Variants in SLC7A11 observed in about 807,000 individuals in gnomAD.
The protein encoded by SLC7A11 is solute carrier family 7 member 11, also known as cystine/glutamate transporter.
Under a neutral mutation model 54.5 loss-of-function variants are expected in SLC7A11, and 35 were observed. The ratio of observed to expected loss-of-function variants is 0.64; its 90% CI spans 0.49 to 0.85. The LOEUF is 0.85. Among genes scored for constraint, SLC7A11 ranks in the 40% least tolerant of loss-of-function variants. The probability of loss-of-function intolerance (pLI) is 0.00; values close to 1 mark genes in which losing one functional copy is unlikely to be tolerated. For missense variants in SLC7A11, 583 were observed against 618.1 expected (o/e 0.94, Z 0.60); for synonymous variants, 230 against 225.2 (o/e 1.02, Z -0.19).
intron 4 of SLC7A11, among the ~76,000 whole-genome samples, chr4:138,221,720 C>A (rs1737818174): frequency 6.6e-6 from 1 of 152,150 alleles, no homozygotes; most frequent in Non-Finnish European, 1.5e-5. Context: ...CAACCAAACC[C>A]TTCCTCATAT....
Position 138,171,964 on chromosome 4 carries a change from TATC to T in SLC7A11, c.1495_1497del (p.Asp499del). On this transcript the variant is annotated inframe_deletion, in exon 12 of 12. Transcript: ENST00000280612. ...ATCTCAAGTCCATTAGTTCATAACT[TATC>T]TTCTTCTGGTACAACTTCCAGTATT... 1.3e-6 allele frequency: 2 copies of T among 1,596,348 alleles called. No individual in the cohort carries two copies. The highest frequency in any genetic ancestry group is 1.7e-6 in the Non-Finnish European group (2 of 1,174,298).
intron 6 of SLC7A11, among the ~76,000 whole-genome samples, chr4:138,193,155 A>G (rs1737052578): frequency 1.3e-5 from 2 of 152,158 alleles, no homozygotes; most frequent in Admixed American, 1.3e-4. Flanking sequence ...CCACCAAACG[A>G]ACTACTGCTT....
At chr4:138,218,724 T>C (rs1435744306) in intron 5 of SLC7A11, among the ~76,000 whole-genome samples, 1 of 152,204 alleles carries the variant, frequency 6.6e-6, no homozygotes, top group Non-Finnish European at 1.5e-5. Context: ...TCCTTTTAAA[T>C]GTAATAGACT....
chr4:138,190,457 T>C (rs998783434), intron 6 of SLC7A11, among the ~76,000 whole-genome samples: 1 of 152,140 alleles, frequency 6.6e-6, no homozygotes, highest in African/African-American at 2.4e-5. Flanking sequence ...TGTTTCACAT[T>C]TTCTTTACAG....
Position 138,223,224 on chromosome 4 carries a change from G to T in SLC7A11, c.621C>A (p.Val207=), listed in dbSNP as rs1267162164. 2 of 1,613,462 alleles carry T rather than the reference G, an allele frequency of 1.2e-6. No individual in the cohort carries two copies. The highest frequency in any genetic ancestry group is 2.2e-5 in the East Asian group (1 of 44,866). The part of the protein sequence containing the change: ...CKLTAILIII[V]PGVMQLIKGQ... ...CTTTAATTAGCTGCATAACTCCAGG[G>T]ACTATAATTATCAGAATTGCTGTGA... Residue 207 remains valine, a synonymous_variant, in exon 4 of 12, where the codon GTC becomes GTA. Transcript: ENST00000280612.
intron 10 of SLC7A11, 128 bp from the exon 11 acceptor site, chr4:138,179,522 CACCA>C: frequency 2.9e-6 from 2 of 686,640 alleles, no homozygotes; most frequent in Non-Finnish European, 4.9e-6. Context: ...AGGTAACAGG[CACCA>C]ACGTGCCTTA....
At chr4:138,213,926 T>C (rs942780404) in intron 6 of SLC7A11, among the ~76,000 whole-genome samples, 7 of 152,126 alleles carry the variant, frequency 4.6e-5, no homozygotes, top group Admixed American at 1.3e-4. Context: ...CTTTTGCCCA[T>C]GAATTATTTT....
At chr4:138,217,325 G>A (rs985811092) in intron 5 of SLC7A11, among the ~76,000 whole-genome samples, 2 of 152,060 alleles carry the variant, frequency 1.3e-5, no homozygotes, top group African/African-American at 4.8e-5. Flanking sequence ...GTAGACATGA[G>A]GATTATATGG....
At position 138,179,241 on chromosome 4, in the gene SLC7A11, G is replaced by T; in HGVS notation, c.1420C>A (p.Pro474Thr). The T allele has an allele frequency of 6.2e-7, 1 of 1,610,946 alleles. No homozygotes were observed. Among genetic ancestry groups the T allele is most frequent in the Non-Finnish European group, 8.5e-7 (1 of 1,177,624 alleles). ...YYLFIIWDKK[P>T]RWFRIMSEKI... ...CCCGACATTATTCTAAACCACCTGG[G>T]TTTCTTGTCCCATATAATAAAGAGA... The change falls in exon 11 of 12, where the codon CCC (proline) becomes ACC (threonine). Residue 474 changes from proline (P) to threonine (T), a missense_variant. Pro to Thr is a conservative substitution (Grantham distance 38). Coordinates refer to ENST00000280612, the MANE Select transcript of SLC7A11 (RefSeq NM_014331.4).
chr4:138,213,713 A>G (rs1025969060), intron 6 of SLC7A11, among the ~76,000 whole-genome samples: 1 of 152,074 alleles, frequency 6.6e-6, no homozygotes, highest in African/African-American at 2.4e-5. Flanking sequence ...TTTGGTACCA[A>G]TCACACTGTT....
In SLC7A11 at chr4:138,241,962, C is replaced by T. The variant is rs1247219517; in HGVS notation, c.108G>A (p.Glu36=). Residue 36 remains glutamate (E), a synonymous_variant, in exon 1 of 12, where the codon GAG becomes GAA. Coordinates refer to ENST00000280612, the MANE Select transcript of SLC7A11 (RefSeq NM_014331.4). ...SLGNKEPPGQ[E]KVQLKRKVTL... The stretch of plus-strand genomic sequence containing the variant: ...TGACTTTCCTCTTCAGCTGCACTTT[C>T]TCCTGCCCAGGTGGCTCCTTGTTGC... 5 of 1,614,084 alleles carry T rather than the reference C, an allele frequency of 3.1e-6. No homozygotes were observed. Among genetic ancestry groups the T allele is most frequent in the Non-Finnish European group, 4.2e-6 (5 of 1,180,050 alleles).
intron 6 of SLC7A11, among the ~76,000 whole-genome samples, chr4:138,195,426 T>G (rs531958235): frequency 6.6e-6 from 1 of 152,324 alleles, no homozygotes; most frequent in South Asian, 2.1e-4. Flanking sequence ...ATATCTTCTA[T>G]ATGCTAGACA....
At chr4:138,181,381 C>T (rs188618833) in intron 9 of SLC7A11, among the ~76,000 whole-genome samples, 41 of 152,046 alleles carry the variant, frequency 2.7e-4, no homozygotes, top group African/African-American at 9.7e-4. Context: ...AAGAATGAAG[C>T]GCAGAGATCA....
chr4:138,204,143 T>C (rs1737352197), intron 6 of SLC7A11, among the ~76,000 whole-genome samples: 1 of 152,122 alleles, frequency 6.6e-6, no homozygotes, highest in African/African-American at 2.4e-5. Flanking sequence ...TGTACCCTCA[T>C]GGATCAGCTT....
rs1481599519 is a variant in SLC7A11, at chr4:138,166,228, A to C, written c.*5728T>G. On this transcript the variant is annotated 3_prime_UTR_variant, in exon 12 of 12. Transcript: ENST00000280612. ...CTGTGCTTCCAAGTATGCATCTAAT[A>C]AAGTTAGTTAGTAGGAAAATTTGAT... The C allele has an allele frequency of 6.6e-6, 1 of 152,216 alleles. No individual in the cohort carries two copies. The highest frequency in any genetic ancestry group is 6.5e-5 in the Admixed American group (1 of 15,278). The allele number at this position is 152,216 out of a possible 1,614,324, so 9.4% of individuals were successfully genotyped here. A position where few individuals can be genotyped will look rare whatever the true frequency, so the allele number is the denominator to read the frequency against.
At chr4:138,188,260 A>G (rs1463523398) in intron 6 of SLC7A11, among the ~76,000 whole-genome samples, 1 of 152,060 alleles carries the variant, frequency 6.6e-6, no homozygotes, top group African/African-American at 2.4e-5. Context: ...ACAGGGTTTC[A>G]CCATGTTGGC....
At chr4:138,190,344 C>A (rs1302215554) in intron 6 of SLC7A11, among the ~76,000 whole-genome samples, 1 of 152,058 alleles carries the variant, frequency 6.6e-6, no homozygotes, top group Non-Finnish European at 1.5e-5. Flanking sequence ...GGGACTATTT[C>A]TTTACATACA....
At position 138,185,176 on chromosome 4, in the gene SLC7A11, G is replaced by A. The variant is rs1183982671; in HGVS notation, c.860C>T (p.Ala287Val). Reference sequence around the variant, plus strand: ...CTCAGCATTAATGGTCGTAAAGTAGGCCACATTTGTCAGCACATAGCCAAT... The same window carrying A: ...CTCAGCATTAATGGTCGTAAAGTAGACCACATTTGTCAGCACATAGCCAAT... The part of the protein sequence containing the change: ...VTIGYVLTNV[A>V]YFTTINAEEL... Residue 287 changes from alanine to valine, a missense_variant, in exon 7 of 12, where the codon GCC becomes GTC. Physicochemically the swap from Ala to Val is moderately conservative, Grantham distance 64. Transcript: ENST00000280612. 13 of 1,612,938 alleles carry A rather than the reference G, an allele frequency of 8.1e-6. No individual in the cohort carries two copies. Among genetic ancestry groups the A allele is most frequent in the Admixed American group, 3.3e-5 (2 of 59,928 alleles).
intron 3 of SLC7A11, among the ~76,000 whole-genome samples, chr4:138,227,878 T>A (rs7674749): frequency 0.75 from 113,513 of 152,134 alleles, 44,273 homozygotes; most frequent in Middle Eastern, 0.89. Context: ...AGTACTTGTA[T>A]ATTTTAATAC....
Sources: gnomAD v4.1 joint callset for allele counts (sites outside exome capture counted in the v4.1 genomes callset) on GRCh38, gnomAD v4.1.1 for gene constraint, MANE v1.5 for transcripts, NCBI Gene and HGNC (gene_info 2026-07-23, HGNC 2026-07-21) for gene names.